The following FGF14 variants were observed in gnomAD, a reference collection of about 807,000 sequenced individuals.
FGF14 encodes fibroblast growth factor homologous factor 4.
FGF14 carries 5 observed loss-of-function variants against 25.5 expected under a neutral mutation model. The ratio of observed to expected loss-of-function variants is 0.20; its 90% CI spans 0.10 to 0.41. The LOEUF (loss-of-function observed/expected upper bound fraction) is 0.41. Ranked by LOEUF, FGF14 falls within the 10% of genes least tolerant of loss-of-function variation. FGF14 has a pLI of 1.00. For missense variants in FGF14, 222 were observed against 320.1 expected, an observed-to-expected ratio of 0.69 and a Z score of 2.34; for synonymous variants, 138 against 118.3, an observed-to-expected ratio of 1.17 and a Z score of -1.08.
intron 3 of FGF14, among the ~76,000 whole-genome samples, chr13:101,738,305 AT>A (rs564157136): frequency 6.6e-6 from 1 of 152,138 alleles, no homozygotes; most frequent in Non-Finnish European, 1.5e-5. Context: ...AAGGGGTTTA[AT>A]TTTTTCCCCA....
rs140515683 is a variant in FGF14, at chr13:102,234,200, T to C, written c.208+167271A>G. ...AACATACACTTAAATGTGAAGGTACTTAATACCATGGAAATATACGCTTAA... is the reference window on the plus strand; with the variant it reads ...AACATACACTTAAATGTGAAGGTACCTAATACCATGGAAATATACGCTTAA... On this transcript the variant is annotated intron_variant, in intron 1 of 4. Transcript: ENST00000376131. 3.4e-3 allele frequency among the ~76,000 whole-genome samples: 505 copies of C among 150,128 alleles called. 17 individuals are homozygous for C. Among genetic ancestry groups the C allele is most frequent in the Middle Eastern group, 6.8e-3 (2 of 292 alleles).
At chr13:101,820,992 G>C (rs1250875839) in intron 3 of FGF14, among the ~76,000 whole-genome samples, 2 of 147,596 alleles carry the variant, frequency 1.4e-5, no homozygotes, top group Non-Finnish European at 3.0e-5. Context: ...CTGTCGCCCA[G>C]GCTGGAGTGC....
chr13:102,321,905 C>T (rs2056258015), intron 1 of FGF14, among the ~76,000 whole-genome samples: 1 of 152,134 alleles, frequency 6.6e-6, no homozygotes, highest in African/African-American at 2.4e-5. Flanking sequence ...TAGAAAGTGG[C>T]ATTTAAATGT....
chr13:102,018,376 G>C (rs935105480), intron 1 of FGF14, among the ~76,000 whole-genome samples: 3 of 152,044 alleles, frequency 2.0e-5, no homozygotes, highest in Non-Finnish European at 1.5e-5. Context: ...CTCAGTCAGG[G>C]AGGTAGCTTT....
chr13:101,833,610 TA>T (rs2042783334), intron 3 of FGF14, among the ~76,000 whole-genome samples: 1 of 152,098 alleles, frequency 6.6e-6, no homozygotes, highest in African/African-American at 2.4e-5. Context: ...TCTGTGTGTA[TA>T]TACATATATA....
intron 3 of FGF14, among the ~76,000 whole-genome samples, chr13:101,775,112 T>A (rs2039020893): frequency 6.6e-6 from 1 of 152,264 alleles, no homozygotes; most frequent in East Asian, 1.9e-4. Context: ...TAAAATTCTA[T>A]GTAGGAAATA....
chr13:102,063,579 G>T (rs375699830), intron 1 of FGF14, among the ~76,000 whole-genome samples: 1 of 151,506 alleles, frequency 6.6e-6, no homozygotes, highest in Non-Finnish European at 1.5e-5. Context: ...TCACGCCATT[G>T]CACTCCAGCC....
chr13:102,017,402 A>C (rs1347049235), intron 1 of FGF14, among the ~76,000 whole-genome samples: 1 of 152,206 alleles, frequency 6.6e-6, no homozygotes, highest in Non-Finnish European at 1.5e-5. Flanking sequence ...TCTAGGATTA[A>C]AGCCTTTTTC....
intron 3 of FGF14, among the ~76,000 whole-genome samples, chr13:101,828,880 C>T (rs2042535508): frequency 6.6e-6 from 1 of 151,996 alleles, no homozygotes; most frequent in East Asian, 1.9e-4. Flanking sequence ...CTAGTTCCAC[C>T]GTAGTTCCCT....
intron 1 of FGF14, among the ~76,000 whole-genome samples, chr13:102,155,690 G>C (rs1352963119): frequency 6.6e-6 from 1 of 150,898 alleles, no homozygotes; most frequent in African/African-American, 2.4e-5. Context: ...GATAGAGACA[G>C]AAAAACCCTT....
intron 3 of FGF14, among the ~76,000 whole-genome samples, chr13:101,861,002 T>C (rs963245126): frequency 2.6e-5 from 4 of 152,140 alleles, no homozygotes; most frequent in Admixed American, 2.0e-4. Context: ...AAATTGAGCA[T>C]GTAGATTCTA....
intron 1 of FGF14, among the ~76,000 whole-genome samples, chr13:101,952,105 A>AT (rs200810757): frequency 1.2e-4 from 18 of 151,344 alleles, no homozygotes; most frequent in African/African-American, 3.2e-4. Context: ...TTTTGTTCAT[A>AT]TTTTTTTTTC....
At chr13:101,773,383 T>C (rs964732291) in intron 3 of FGF14, among the ~76,000 whole-genome samples, 3 of 152,082 alleles carry the variant, frequency 2.0e-5, no homozygotes, top group African/African-American at 7.2e-5. Flanking sequence ...ATGTGTGCTC[T>C]TTCTTTCACA....
chr13:102,068,870 T>A (rs987943889), intron 1 of FGF14, among the ~76,000 whole-genome samples: 1 of 152,194 alleles, frequency 6.6e-6, no homozygotes, highest in Non-Finnish European at 1.5e-5. Context: ...GCACAGGGCG[T>A]GGGCTGGCAG....
chr13:102,205,153 T>C (rs1391682923), intron 1 of FGF14, among the ~76,000 whole-genome samples: 1 of 152,198 alleles, frequency 6.6e-6, no homozygotes, highest in Non-Finnish European at 1.5e-5. Flanking sequence ...GAAGAAGGGC[T>C]TTGGTACATG....
At chr13:102,086,398 C>T (rs964171399) in intron 1 of FGF14, among the ~76,000 whole-genome samples, 23 of 151,866 alleles carry the variant, frequency 1.5e-4, no homozygotes, top group Non-Finnish European at 2.4e-4. Context: ...GGCGTGGTGG[C>T]GGGCGCATGT....
chr13:102,006,727 C>CCT (rs2039812804), intron 1 of FGF14, among the ~76,000 whole-genome samples: 1 of 61,948 alleles, frequency 1.6e-5, no homozygotes. Context: ...AATCTTACTT[C>CCT]TTTTTTTTTT....
intron 3 of FGF14, among the ~76,000 whole-genome samples, chr13:101,842,781 G>A: frequency 6.6e-6 from 1 of 151,986 alleles, no homozygotes; most frequent in East Asian, 1.9e-4. Context: ...AGCATTGTTT[G>A]TTTCTATTAC....
intron 1 of FGF14, among the ~76,000 whole-genome samples, chr13:102,256,252 T>C (rs1450188606): frequency 6.6e-6 from 1 of 151,984 alleles, no homozygotes; most frequent in Admixed American, 6.6e-5. Flanking sequence ...TTCATGCCTG[T>C]AATCCCAGCA....
Sources: allele counts gnomAD v4.1 joint callset (sites outside exome capture counted in the v4.1 genomes callset), GRCh38; gene constraint gnomAD v4.1.1; transcripts MANE v1.5; gene names NCBI Gene and HGNC (gene_info 2026-07-23, HGNC 2026-07-21).